PCDH15: variants seen among roughly 807,000 people sequenced by gnomAD.
The protein encoded by PCDH15 is protocadherin related 15.
A neutral mutation model predicts 178.5 loss-of-function variants in PCDH15; 129 were observed. The ratio of observed to expected loss-of-function variants is 0.72; its 90% confidence interval spans 0.63 to 0.84. The LOEUF is 0.84. PCDH15 is among the 40% of genes least tolerant of loss of function. PCDH15 has a pLI of 0.00. For missense variants in PCDH15, 2,230 were observed against 2,099.9 expected, an observed-to-expected ratio of 1.06 and a Z score of -1.21; for synonymous variants, 800 against 732.0, an observed-to-expected ratio of 1.09 and a Z score of -1.50.
intron 1 of PCDH15, among the ~76,000 whole-genome samples, chr10:54,798,916 T>G (rs1342079248): frequency 6.6e-6 from 1 of 152,104 alleles, no homozygotes; most frequent in Non-Finnish European, 1.5e-5. Context: ...AAATTGTATC[T>G]GCACATTTAC....
At chr10:53,928,732 G>A (rs1193178730) in intron 25 of PCDH15, among the ~76,000 whole-genome samples, 1 of 151,912 alleles carries the variant, frequency 6.6e-6, no homozygotes, top group Non-Finnish European at 1.5e-5. Context: ...AGTGACTGTT[G>A]TATCACTTTG....
At chr10:54,686,225 T>TA (rs1201557625) in intron 1 of PCDH15, among the ~76,000 whole-genome samples, 2 of 151,830 alleles carry the variant, frequency 1.3e-5, no homozygotes, top group South Asian at 2.1e-4. Flanking sequence ...TCTAGAAAAT[T>TA]AAAATCATCA....
At chr10:54,226,173 G>C (rs7908110) in intron 9 of PCDH15, among the ~76,000 whole-genome samples, 35 of 152,308 alleles carry the variant, frequency 2.3e-4, no homozygotes, top group African/African-American at 7.7e-4. Flanking sequence ...TGGACTTACA[G>C]TTCCACGTGG....
At chr10:55,577,402 A>T (rs868145398) in intron 2 of PCDH15, among the ~76,000 whole-genome samples, 7 of 152,182 alleles carry the variant, frequency 4.6e-5, no homozygotes, top group African/African-American at 1.4e-4. Flanking sequence ...ACTAATGTCA[A>T]TTTTAATATT....
chr10:54,766,803 C>G (rs1184930756), intron 1 of PCDH15, among the ~76,000 whole-genome samples: 1 of 151,974 alleles, frequency 6.6e-6, no homozygotes, highest in African/African-American at 2.4e-5. Context: ...GTGGCAGGCG[C>G]CTGTAAGTCC....
chr10:55,324,604 A>G (rs1409816260), upstream of PCDH15, among the ~76,000 whole-genome samples: 1 of 152,168 alleles, frequency 6.6e-6, no homozygotes, highest in Non-Finnish European at 1.5e-5. Context: ...CTATGAAGAG[A>G]CTTAGATAAC....
At chr10:55,479,986 C>A (rs1425843121) in intron 2 of PCDH15, among the ~76,000 whole-genome samples, 3 of 150,740 alleles carry the variant, frequency 2.0e-5, no homozygotes, top group Non-Finnish European at 4.4e-5. Flanking sequence ...TATTCAGGCT[C>A]TTTTTTGGTT....
chr10:55,477,080 A>G (rs1178995152), intron 2 of PCDH15, among the ~76,000 whole-genome samples: 1 of 151,984 alleles, frequency 6.6e-6, no homozygotes, highest in South Asian at 2.1e-4. Context: ...GTGTACTAGT[A>G]TATTACCCAC....
chr10:54,919,907 T>C (rs1054806514), intron 2 of PCDH15, among the ~76,000 whole-genome samples: 8 of 151,600 alleles, frequency 5.3e-5, no homozygotes, highest in African/African-American at 1.9e-4. Flanking sequence ...AAAAAAAGGC[T>C]CTGTAACATT....
chr10:54,909,101 T>C (rs925355881), intron 2 of PCDH15, among the ~76,000 whole-genome samples: 2 of 152,152 alleles, frequency 1.3e-5, no homozygotes, highest in African/African-American at 4.8e-5. Context: ...CCCAGGGCTT[T>C]TGTGGGCTTC....
chr10:53,960,550 C>A (rs2088186424), intron 22 of PCDH15, among the ~76,000 whole-genome samples: 1 of 152,098 alleles, frequency 6.6e-6, no homozygotes, highest in Non-Finnish European at 1.5e-5. Flanking sequence ...CTTTAATAAC[C>A]TACATTACAT....
chr10:54,597,013 C>A (rs2092275446), intron 2 of PCDH15, among the ~76,000 whole-genome samples: 4 of 151,990 alleles, frequency 2.6e-5, no homozygotes, highest in Admixed American at 2.6e-4. Flanking sequence ...TTTTGACACC[C>A]CCACTGACAG....
chr10:54,784,145 C>A (rs188932482), intron 1 of PCDH15, among the ~76,000 whole-genome samples: 1 of 152,130 alleles, frequency 6.6e-6, no homozygotes. Flanking sequence ...CACCTAGCCT[C>A]TTCCTTGATA....
chr10:55,265,063 C>G (rs957999375), intron 1 of PCDH15, among the ~76,000 whole-genome samples: 3 of 151,984 alleles, frequency 2.0e-5, no homozygotes, highest in Admixed American at 6.6e-5. Flanking sequence ...TCCTCTGGGT[C>G]CACCCTGACT....
rs2136216501 is a variant in PCDH15, at chr10:54,107,566, G to C, written c.1918-17503C>G. ...GCAAATGTGGCCATGTTTGGAAGATGAAATGTTTTGGGGAGCCAAATGGAC... is the reference window on the plus strand; with the variant it reads ...GCAAATGTGGCCATGTTTGGAAGATCAAATGTTTTGGGGAGCCAAATGGAC... On this transcript the variant is annotated intron_variant, in intron 15 of 37. Transcript: ENST00000644397. Among the ~76,000 whole-genome samples the C allele has an allele frequency of 1.3e-5, 2 of 152,312 alleles. 1 individual carries two copies. Among genetic ancestry groups the C allele is most frequent in the South Asian group, 4.1e-4 (2 of 4,828 alleles).
At chr10:54,484,721 T>C (rs1012850730) in intron 3 of PCDH15, among the ~76,000 whole-genome samples, 2 of 151,530 alleles carry the variant, frequency 1.3e-5, no homozygotes, top group African/African-American at 4.8e-5. Context: ...TATAATAGTC[T>C]CATAAACAGA....
At chr10:54,954,786 T>C (rs1466275827) in intron 2 of PCDH15, among the ~76,000 whole-genome samples, 1 of 151,312 alleles carries the variant, frequency 6.6e-6, no homozygotes, top group South Asian at 2.1e-4. Flanking sequence ...TTAAAGTTTG[T>C]TGGGACTATA....
intron 2 of PCDH15, among the ~76,000 whole-genome samples, chr10:54,961,145 C>G (rs1838643381): frequency 6.6e-6 from 1 of 152,246 alleles, no homozygotes; most frequent in Non-Finnish European, 1.5e-5. Flanking sequence ...GAGGAGCAGA[C>G]AGGGGTGCAT....
chr10:54,624,425 A>G (rs1033729220), intron 2 of PCDH15, among the ~76,000 whole-genome samples: 1 of 152,258 alleles, frequency 6.6e-6, no homozygotes, highest in African/African-American at 2.4e-5. Context: ...AGTGTCATAA[A>G]GAAACAAAGT....
Sources: allele counts gnomAD v4.1 joint callset (sites outside exome capture counted in the v4.1 genomes callset), GRCh38; gene constraint gnomAD v4.1.1; transcripts MANE v1.5; gene names NCBI Gene and HGNC (gene_info 2026-07-23, HGNC 2026-07-21).